Variants in TAF4B observed in about 807,000 individuals in gnomAD.
The protein encoded by TAF4B is TATA-box binding protein associated factor 4b, also known as transcription initiation factor TFIID subunit 4B.
Under a neutral mutation model 86.4 loss-of-function variants are expected in TAF4B, and 38 were observed. The ratio of observed to expected loss-of-function variants is 0.44; its 90% CI spans 0.34 to 0.58. The LOEUF (loss-of-function observed/expected upper bound fraction) is 0.58, where lower values mean the gene tolerates loss of function less well. Among genes scored for constraint, TAF4B ranks in the 20% least tolerant of loss-of-function variants. The pLI is 0.02. For missense variants in TAF4B, 988 were observed against 1,027.6 expected, an observed-to-expected ratio of 0.96 and a Z score of 0.53; for synonymous variants, 388 against 391.2, an observed-to-expected ratio of 0.99 and a Z score of 0.10.
intron 13 of TAF4B, among the ~76,000 whole-genome samples, chr18:26,336,217 C>G (rs1010983842): frequency 6.6e-6 from 1 of 152,194 alleles, no homozygotes; most frequent in Admixed American, 6.5e-5. Context: ...TGATTTCATG[C>G]AATTTTTAAG....
chr18:26,235,627 C>CT (rs1316569792), intron 1 of TAF4B, among the ~76,000 whole-genome samples: 1 of 152,148 alleles, frequency 6.6e-6, no homozygotes, highest in Non-Finnish European at 1.5e-5. Context: ...CAGATGAGGG[C>CT]TATCCCTAAA....
At chr18:26,229,955 T>TAAA (rs77834289) in intron 1 of TAF4B, among the ~76,000 whole-genome samples, 1 of 148,950 alleles carries the variant, frequency 6.7e-6, no homozygotes, top group African/African-American at 2.5e-5. Flanking sequence ...AGAACTGGTT[T>TAAA]AAAAAAAAAA....
chr18:26,245,034 A>G (rs1304795084), intron 1 of TAF4B, among the ~76,000 whole-genome samples: 2 of 151,972 alleles, frequency 1.3e-5, no homozygotes, highest in African/African-American at 4.8e-5. Flanking sequence ...GTTCCAGGCA[A>G]ACCAACGCTC....
intron 1 of TAF4B, among the ~76,000 whole-genome samples, chr18:26,260,722 GT>G (rs139557075): frequency 0.086 from 13,082 of 152,162 alleles, 1,715 homozygotes; most frequent in African/African-American, 0.29. Context: ...TCTTTTGCCA[GT>G]TTAGGTTTAC....
intron 1 of TAF4B, among the ~76,000 whole-genome samples, chr18:26,234,210 A>T (rs912542016): frequency 6.6e-6 from 1 of 152,188 alleles, no homozygotes; most frequent in Non-Finnish European, 1.5e-5. Flanking sequence ...GGTATTCCTA[A>T]TGGGAGATTC....
At chr18:26,237,695 C>T (rs763450251) in intron 1 of TAF4B, among the ~76,000 whole-genome samples, 7 of 152,076 alleles carry the variant, frequency 4.6e-5, no homozygotes, top group Non-Finnish European at 7.4e-5. Context: ...CGTAAGATAC[C>T]TCACTCCATT....
At position 26,335,217 on chromosome 18, in the gene TAF4B, C is replaced by G; in HGVS notation, c.2302C>G (p.Gln768Glu). 2 of 1,613,256 alleles carry G rather than the reference C, an allele frequency of 1.2e-6. No individual in the cohort carries two copies. Among genetic ancestry groups the G allele is most frequent in the South Asian group, 2.2e-5 (2 of 90,956 alleles). ...AGATCCAGAACAGCTGAGATTAAAGCAGAAAGCCAAAGAGGTAGGACTTTC... is the reference window on the plus strand; with the variant it reads ...AGATCCAGAACAGCTGAGATTAAAGGAGAAAGCCAAAGAGGTAGGACTTTC... ...KEDPEQLRLK[Q>E]KAKELQQLEL... The change falls in exon 13 of 15, where the codon CAG becomes GAG. Residue 768 changes from glutamine to glutamate, a missense_variant. Transcript: ENST00000269142.
At chr18:26,286,876 GT>G in intron 7 of TAF4B, among the ~76,000 whole-genome samples, 1 of 152,164 alleles carries the variant, frequency 6.6e-6, no homozygotes, top group Middle Eastern at 3.4e-3. Flanking sequence ...TAGAGATGGA[GT>G]TTCTCCATGT....
chr18:26,321,006 G>A (rs746163632), intron 10 of TAF4B, 64 bp from the exon 11 acceptor site: 6 of 1,591,164 alleles, frequency 3.8e-6, no homozygotes, highest in Non-Finnish European at 5.2e-6. Flanking sequence ...AATACCTGCT[G>A]TGCTAATTAT....
At chr18:26,232,833 A>G (rs2055692796) in intron 1 of TAF4B, among the ~76,000 whole-genome samples, 1 of 152,196 alleles carries the variant, frequency 6.6e-6, no homozygotes, top group African/African-American at 2.4e-5. Flanking sequence ...CTGTCTGAGA[A>G]ATCCTTTGAG....
chr18:26,309,152 G>T (rs2056827337), intron 9 of TAF4B, among the ~76,000 whole-genome samples: 2 of 149,220 alleles, frequency 1.3e-5, no homozygotes, highest in Non-Finnish European at 3.0e-5. Flanking sequence ...TATAAATTTA[G>T]GAACTATAAG....
chr18:26,290,175 T>G (rs1263605851), intron 7 of TAF4B, among the ~76,000 whole-genome samples: 1 of 152,178 alleles, frequency 6.6e-6, no homozygotes, highest in Admixed American at 6.5e-5. Flanking sequence ...GGTTTCATTT[T>G]GTTGCCTAGC....
chr18:26,328,646 ATCTC>A (rs1254268021), intron 12 of TAF4B, among the ~76,000 whole-genome samples: 2 of 151,720 alleles, frequency 1.3e-5, no homozygotes, highest in Non-Finnish European at 2.9e-5. Context: ...TTTTTGAGCA[ATCTC>A]TCTCTGTAGC....
intron 1 of TAF4B, among the ~76,000 whole-genome samples, chr18:26,252,837 AT>A (rs774414301): frequency 1.3e-5 from 2 of 149,900 alleles, no homozygotes; most frequent in South Asian, 2.1e-4. Context: ...ATTTATATAT[AT>A]TTTATTATTA....
chr18:26,360,185 C>T (rs1466566678), intron 14 of TAF4B, among the ~76,000 whole-genome samples: 2 of 151,992 alleles, frequency 1.3e-5, no homozygotes, highest in Non-Finnish European at 2.9e-5. Flanking sequence ...TTAAAAATTA[C>T]CCTCTAAGTT....
chr18:26,356,295 G>C (rs1012016077), intron 13 of TAF4B, among the ~76,000 whole-genome samples: 4 of 152,116 alleles, frequency 2.6e-5, no homozygotes, highest in African/African-American at 9.7e-5. Flanking sequence ...CAGTCACCCT[G>C]GGTGTTAGGA....
intron 5 of TAF4B, among the ~76,000 whole-genome samples, chr18:26,277,082 T>C (rs1039373690): frequency 3.3e-5 from 5 of 151,966 alleles, no homozygotes; most frequent in Admixed American, 3.3e-4. Context: ...ACTTTTTTTA[T>C]TGAAAAAATT....
In TAF4B at chr18:26,285,935, G is replaced by C; in HGVS notation, c.1026G>C (p.Gln342His). The C allele has an allele frequency of 6.2e-7, 1 of 1,614,080 alleles. No individual in the cohort carries two copies. Among genetic ancestry groups the C allele is most frequent in the African/African-American group, 1.3e-5 (1 of 75,038 alleles). ...TGCCTAACTCCCAGAGCTTCATCCA[G>C]CAATGTGTTCAGCAGACTTCTAGTG... The part of the protein sequence containing the change: ...QLLPNSQSFI[Q>H]QCVQQTSSDM... The change falls in exon 7 of 15, where the codon CAG becomes CAC. Residue 342 changes from glutamine to histidine, a missense_variant. This residue lies in a region of TAF4B where 747 missense variants were observed against 737.9 expected (regional missense o/e 1.01). Coordinates refer to ENST00000269142, the MANE Select transcript of TAF4B (RefSeq NM_005640.3).
At chr18:26,330,047 TCATAGGA>T (rs2057038717) in intron 12 of TAF4B, among the ~76,000 whole-genome samples, 1 of 152,168 alleles carries the variant, frequency 6.6e-6, no homozygotes, top group Non-Finnish European at 1.5e-5. Flanking sequence ...AATTAGTTTT[TCATAGGA>T]CGGCATTCTA....
Sources: allele counts gnomAD v4.1 joint callset (sites outside exome capture counted in the v4.1 genomes callset), GRCh38; gene constraint gnomAD v4.1.1; regional missense constraint gnomAD v4.1.1; transcripts MANE v1.5; gene names NCBI Gene and HGNC (gene_info 2026-07-23, HGNC 2026-07-21).